Variants in AUTS2 observed in about 807,000 individuals in gnomAD.
AUTS2 encodes the protein activator of transcription and developmental regulator AUTS2, also known as autism susceptibility gene 2 protein.
In AUTS2, 17 loss-of-function variants were observed where a neutral mutation model predicts 112.4. The ratio of observed to expected loss-of-function variants is 0.15; its 90% CI spans 0.10 to 0.23. The LOEUF (loss-of-function observed/expected upper bound fraction) is 0.23. Among genes scored for constraint, AUTS2 ranks in the 10% least tolerant of loss-of-function variants. AUTS2 has a pLI of 1.00. For missense variants in AUTS2, 1,510 were observed against 1,701.6 expected, an observed-to-expected ratio of 0.89 and a Z score of 1.98; for synonymous variants, 751 against 702.7, an observed-to-expected ratio of 1.07 and a Z score of -1.09.
At chr7:69,839,789 G>A (rs796110457) in intron 1 of AUTS2, among the ~76,000 whole-genome samples, 1 of 151,744 alleles carries the variant, frequency 6.6e-6, no homozygotes, top group African/African-American at 2.4e-5. Context: ...GCCACCTGCA[G>A]TTGTTGTTGT....
intron 4 of AUTS2, among the ~76,000 whole-genome samples, chr7:70,387,951 C>A (rs962275670): frequency 3.3e-5 from 5 of 152,200 alleles, no homozygotes; most frequent in Admixed American, 3.3e-4. Flanking sequence ...CTACTGAATA[C>A]ATCCTAAACG....
intron 2 of AUTS2, among the ~76,000 whole-genome samples, chr7:70,109,568 G>T (rs1447526423): frequency 6.6e-6 from 1 of 152,144 alleles, no homozygotes; most frequent in African/African-American, 2.4e-5. Flanking sequence ...GGTTGAAAGA[G>T]ATAATTTATT....
intron 2 of AUTS2, among the ~76,000 whole-genome samples, chr7:70,115,525 G>C (rs915858199): frequency 6.6e-6 from 1 of 152,196 alleles, no homozygotes; most frequent in African/African-American, 2.4e-5. Context: ...CTTTGTGAAC[G>C]TACTATAGTC....
intron 1 of AUTS2, among the ~76,000 whole-genome samples, chr7:69,674,386 T>C (rs1222801322): frequency 1.3e-5 from 2 of 152,142 alleles, no homozygotes; most frequent in African/African-American, 4.8e-5. Flanking sequence ...ATCTGGGTGC[T>C]GGTCTGACTC....
At chr7:70,769,417 G>A (rs1040403038) in intron 10 of AUTS2, among the ~76,000 whole-genome samples, 4 of 152,218 alleles carry the variant, frequency 2.6e-5, no homozygotes, top group Non-Finnish European at 4.4e-5. Context: ...TGGGTGCAGT[G>A]GCTCATGCCT....
chr7:70,085,291 A>G (rs1157246724), intron 2 of AUTS2, among the ~76,000 whole-genome samples: 2 of 152,026 alleles, frequency 1.3e-5, no homozygotes, highest in Admixed American at 6.6e-5. Context: ...TAACTTTTAC[A>G]TTTATGTCTG....
In AUTS2 at chr7:70,791,308, GGGC is replaced by G. The variant is rs1791944084; in HGVS notation, c.*315_*317del. The G allele has an allele frequency of 1.9e-5, 4 of 215,692 alleles. No homozygotes were observed. In the Admixed American group the frequency reaches 2.3e-4, roughly 13 times the overall value. 13.4% of individuals were successfully genotyped at this position (215,692 alleles called of 1,614,324 possible). A position where few individuals can be genotyped will look rare whatever the true frequency, so the allele number is the denominator to read the frequency against. Reference sequence around the variant, plus strand: ...ACCAATTGGATGATAATTGTAGCGGGGGCGGTGGGGGGGAGAAGTCCACGCCAT... The same window carrying G: ...ACCAATTGGATGATAATTGTAGCGGGGGTGGGGGGGAGAAGTCCACGCCAT... On this transcript the variant is annotated 3_prime_UTR_variant, in exon 19 of 19. Coordinates refer to ENST00000342771, the MANE Select transcript of AUTS2 (RefSeq NM_015570.4).
chr7:69,872,834 C>CTTTTTTTTTTTTTTTTTTTTTTTTTT lies in AUTS2; in HGVS notation c.310-26451_310-26426dup, dbSNP rs1164356683. On this transcript the variant is annotated intron_variant, in intron 1 of 18. Transcript: ENST00000342771. Reference sequence around the variant, plus strand: ...GGTGGCACTTGATGTAGCCTATATTCTTTTTTTTTTTTTTTTTTTTTTTTT... The same window carrying CTTTTTTTTTTTTTTTTTTTTTTTTTT: ...GGTGGCACTTGATGTAGCCTATATTCTTTTTTTTTTTTTTTTTTTTTTTTTTTTTTTTTTTTTTTTTTTTTTTTTTT... 9.9e-5 allele frequency among the ~76,000 whole-genome samples: 7 copies of CTTTTTTTTTTTTTTTTTTTTTTTTTT among 70,422 alleles called. 2 individuals are homozygous for CTTTTTTTTTTTTTTTTTTTTTTTTTT. In the East Asian group the frequency reaches 1.3e-3, roughly 13 times the overall value. The allele number at this position is 70,422 out of a possible 152,430, so 46.2% of individuals were successfully genotyped here.
chr7:70,223,171 G>A (rs1197475346), intron 4 of AUTS2, among the ~76,000 whole-genome samples: 1 of 152,150 alleles, frequency 6.6e-6, no homozygotes, highest in Non-Finnish European at 1.5e-5. Flanking sequence ...ACAGGTGTGA[G>A]CCACTGCGCC....
intron 2 of AUTS2, among the ~76,000 whole-genome samples, chr7:70,084,724 AT>A (rs1277254712): frequency 2.0e-5 from 3 of 151,980 alleles, no homozygotes; most frequent in African/African-American, 4.8e-5. Context: ...TAAAAATTAC[AT>A]TTTTTTCTTG....
chr7:70,700,671 T>A (rs948605807), intron 6 of AUTS2, among the ~76,000 whole-genome samples: 2 of 152,158 alleles, frequency 1.3e-5, no homozygotes, highest in African/African-American at 4.8e-5. Context: ...CTGCTAAATA[T>A]CAGGAAAACA....
chr7:69,980,507 C>G (rs1460556742), intron 2 of AUTS2, among the ~76,000 whole-genome samples: 2 of 151,884 alleles, frequency 1.3e-5, no homozygotes, highest in African/African-American at 4.8e-5. Context: ...TATGTACATA[C>G]TTGTTATTTG....
intron 1 of AUTS2, among the ~76,000 whole-genome samples, chr7:69,659,583 GTTTTT>G (rs58289887): frequency 1.2e-5 from 1 of 81,276 alleles, no homozygotes; most frequent in Non-Finnish European, 2.2e-5. Flanking sequence ...AGGCTTAGTT[GTTTTT>G]TTTTTTTTTT....
intron 4 of AUTS2, among the ~76,000 whole-genome samples, chr7:70,232,929 A>C (rs1259668780): frequency 2.0e-5 from 3 of 152,228 alleles, no homozygotes; most frequent in Non-Finnish European, 4.4e-5. Flanking sequence ...GCTTTTTAAA[A>C]ATAGTATTTG....
chr7:70,317,820 G>T (rs1227943975), intron 4 of AUTS2, among the ~76,000 whole-genome samples: 1 of 152,224 alleles, frequency 6.6e-6, no homozygotes, highest in Non-Finnish European at 1.5e-5. Flanking sequence ...TGTCTCCGTT[G>T]CTAAGTAGTG....
At chr7:69,791,261 C>T (rs1172881685) in intron 1 of AUTS2, among the ~76,000 whole-genome samples, 1 of 152,166 alleles carries the variant, frequency 6.6e-6, no homozygotes, top group Non-Finnish European at 1.5e-5. Context: ...GCATTTAGTG[C>T]ACTTGGCGAG....
intron 1 of AUTS2, among the ~76,000 whole-genome samples, chr7:69,867,680 T>G (rs1000642950): frequency 1.3e-5 from 2 of 152,218 alleles, no homozygotes; most frequent in Non-Finnish European, 2.9e-5. Flanking sequence ...TTTTCCTTAT[T>G]TTTGTTCATC....
intron 8 of AUTS2, 132 bp from the exon 9 acceptor site, chr7:70,765,982 T>C: frequency 2.1e-6 from 3 of 1,440,718 alleles, no homozygotes; most frequent in Non-Finnish European, 2.7e-6. Context: ...TGCCCCCGTT[T>C]ATCTCAGGGC....
intron 2 of AUTS2, among the ~76,000 whole-genome samples, chr7:70,090,088 A>G (rs1169979904): frequency 6.6e-6 from 1 of 151,428 alleles, no homozygotes; most frequent in Non-Finnish European, 1.5e-5. Context: ...ATTATTTTTA[A>G]TGATTCCATT....
Sources: allele counts gnomAD v4.1 joint callset (sites outside exome capture counted in the v4.1 genomes callset), GRCh38; gene constraint gnomAD v4.1.1; transcripts MANE v1.5; gene names NCBI Gene and HGNC (gene_info 2026-07-23, HGNC 2026-07-21).